The following MATN4 variants were observed in gnomAD, a reference collection of about 807,000 sequenced individuals.
MATN4 encodes matrilin-4.
Under a neutral mutation model 54.6 loss-of-function variants are expected in MATN4, and 40 were observed. The ratio of observed to expected loss-of-function variants is 0.73; its 90% CI spans 0.57 to 0.95. The LOEUF (loss-of-function observed/expected upper bound fraction) is 0.95, where lower values mean the gene tolerates loss of function less well. Ranked by LOEUF, MATN4 falls within the 40% of genes least tolerant of loss-of-function variation. MATN4 has a pLI of 0.00. For missense variants in MATN4, 810 were observed against 819.1 expected (o/e 0.99, Z 0.13); for synonymous variants, 351 against 345.3 (o/e 1.02, Z -0.18).
upstream of MATN4, chr20:45,308,352 G>A: frequency 1.3e-6 from 1 of 767,638 alleles, no homozygotes; most frequent in Non-Finnish European, 2.2e-6. Context: ...GGGTGGGGAG[G>A]GGAAGTGCAG....
intron 2 of MATN4, 140 bp from the exon 3 acceptor site, chr20:45,304,937 C>A: frequency 1.8e-6 from 1 of 568,940 alleles, no homozygotes; most frequent in South Asian, 2.4e-5. Flanking sequence ...CAGATGCACT[C>A]GCCCGGCATG....
At chr20:45,299,513 G>A (rs557698516) in intron 6 of MATN4, among the ~76,000 whole-genome samples, 45 of 152,102 alleles carry the variant, frequency 3.0e-4, no homozygotes, top group Non-Finnish European at 3.1e-4. Flanking sequence ...GATAGTCTCC[G>A]GAGGTGAGAT....
At position 45,304,436 on chromosome 20, in the gene MATN4, C is replaced by T. The variant is rs756153931; in HGVS notation, c.435G>A (p.Val145=). 11 of 1,545,702 alleles carry T rather than the reference C, an allele frequency of 7.1e-6. No homozygotes were observed. Among genetic ancestry groups the T allele is most frequent in the Admixed American group, 1.9e-5 (1 of 52,684 alleles). ...CGCGGTCCTGGGGCCGCCCGTCTGT[C>T]ACGATGACAGCGACACGCGGCACGC... ...EERVPRVAVI[V]TDGRPQDRVA... The change falls in exon 3 of 10, where the codon GTG becomes GTA. Residue 145 remains valine, a synonymous_variant. Coordinates refer to ENST00000372756, the MANE Select transcript of MATN4 (RefSeq NM_001393530.1).
intron 8 of MATN4, among the ~76,000 whole-genome samples, chr20:45,295,514 A>C (rs936342544): frequency 3.3e-5 from 5 of 152,116 alleles, no homozygotes; most frequent in Non-Finnish European, 7.4e-5. Flanking sequence ...CAGCCTCCCG[A>C]GTAGCTGGGA....
At chr20:45,295,041 G>T (rs553408035) in intron 8 of MATN4, among the ~76,000 whole-genome samples, 4 of 152,276 alleles carry the variant, frequency 2.6e-5, no homozygotes, top group African/African-American at 9.6e-5. Flanking sequence ...AAAACAAGCT[G>T]AGGGCTCCCA....
Position 45,293,786 on chromosome 20 carries a change from T to G in MATN4, c.1727A>C (p.Gln576Pro). The G allele has an allele frequency of 6.2e-7, 1 of 1,610,140 alleles. No individual in the cohort carries two copies. Among genetic ancestry groups the G allele is most frequent in the Non-Finnish European group, 8.5e-7 (1 of 1,179,824 alleles). ...TGGCCCTCACTTCTGGTTGGCCAGC[T>G]GGTTCTCCAGATCCTCCAGGCGCGC... ...LTARLEDLEN[Q>P]LANQK is the part of the protein sequence containing the mutation. Residue 576 changes from glutamine (Q) to proline (P), a missense_variant, in exon 10 of 10, where the codon CAG becomes CCG. By Grantham distance (76) the Gln-to-Pro change is moderately conservative. Coordinates refer to ENST00000372756, the MANE Select transcript of MATN4 (RefSeq NM_001393530.1).
intron 1 of MATN4, among the ~76,000 whole-genome samples, chr20:45,307,629 T>C (rs1986846101): frequency 6.6e-6 from 1 of 152,226 alleles, no homozygotes; most frequent in South Asian, 2.1e-4. Flanking sequence ...ATTCTTGGTC[T>C]GAGCCAACTT....
intron 1 of MATN4, 26 bp downstream of exon 1, chr20:45,308,149 C>CA (rs771808208): frequency 6.2e-6 from 10 of 1,612,584 alleles, no homozygotes; most frequent in Middle Eastern, 1.6e-4. Flanking sequence ...GCAGACCCCT[C>CA]AGTGCCTCCC....
Position 45,301,212 on chromosome 20 carries a change from C to T in MATN4, c.779G>A (p.Cys260Tyr), listed in dbSNP as rs1425689174. 1 of 1,613,904 alleles carries T rather than the reference C, an allele frequency of 6.2e-7. No individual in the cohort carries two copies. The highest frequency in any genetic ancestry group is 8.5e-7 in the Non-Finnish European group (1 of 1,179,984). ...DQRSCRAIDYCSFGNHSCQHE... is the reference protein window; with the variant it reads ...DQRSCRAIDYYSFGNHSCQHE... ...CTGACAGCTATGGTTCCCAAAGCTG[C>T]AGTAGTCAATGGCTGGCAGGAGGGA... is the stretch of plus-strand genomic sequence containing the variant. The change falls in exon 5 of 10, where the codon TGC becomes TAC. Residue 260 changes from cysteine (C) to tyrosine (Y), a missense_variant. Physicochemically the swap from Cys to Tyr is radical, Grantham distance 194. Coordinates refer to ENST00000372756, the MANE Select transcript of MATN4 (RefSeq NM_001393530.1).
chr20:45,298,080 CG>C lies in MATN4; in HGVS notation c.1427-11del. 1 of 1,610,758 alleles carries C rather than the reference CG, an allele frequency of 6.2e-7. No individual in the cohort carries two copies. Among genetic ancestry groups the C allele is most frequent in the Admixed American group, 1.7e-5 (1 of 59,950 alleles). ...GCGTACATGACGATGCCTGCAAGGC[CG>C]GGGTCTCAGAGGGTGCCCCAGGCCT... On this transcript the variant is annotated splice_polypyrimidine_tract_variant and intron_variant, in intron 7 of 9. Coordinates refer to ENST00000372756, the MANE Select transcript of MATN4 (RefSeq NM_001393530.1). The surrounding 1 kb of genome is among the most constrained non-coding windows in gnomAD (Gnocchi z 4.6).
intron 8 of MATN4, among the ~76,000 whole-genome samples, chr20:45,296,470 T>G: frequency 6.6e-6 from 1 of 152,168 alleles, no homozygotes; most frequent in East Asian, 1.9e-4. Flanking sequence ...TTTGTTTCTC[T>G]AAACAAAGGG....
chr20:45,305,482 C>G, intron 2 of MATN4, 28 bp downstream of exon 2: 1 of 1,539,084 alleles, frequency 6.5e-7, no homozygotes, highest in Non-Finnish European at 8.8e-7. Context: ...CCCCTCCTCC[C>G]ACTGGTGAGG....
At position 45,293,614 on chromosome 20, in the gene MATN4, C is replaced by T; in HGVS notation, c.*153G>A. ...CGCCTAATGGTCCGGGCGAGGCCAACTCAGCTCAATGCCGGAAGCCCGCCA... is the reference window on the plus strand; with the variant it reads ...CGCCTAATGGTCCGGGCGAGGCCAATTCAGCTCAATGCCGGAAGCCCGCCA... On this transcript the variant is annotated 3_prime_UTR_variant, in exon 10 of 10. Transcript: ENST00000372756. 1 of 674,340 alleles carries T rather than the reference C, an allele frequency of 1.5e-6. No individual in the cohort carries two copies. Among genetic ancestry groups the T allele is most frequent in the Non-Finnish European group, 2.4e-6 (1 of 422,002 alleles). 41.8% of individuals were successfully genotyped at this position (674,340 alleles called of 1,614,324 possible).
Position 45,300,988 on chromosome 20 carries a change from A to C in MATN4, c.911T>G (p.Val304Gly), listed in dbSNP as rs2145655335. 1 of 1,614,044 alleles carries C rather than the reference A, an allele frequency of 6.2e-7. No individual in the cohort carries two copies. The highest frequency in any genetic ancestry group is 8.5e-7 in the Non-Finnish European group (1 of 1,179,962). ...ACACTGGAACTCACAGCCATGGTCC[A>C]CGCCATTGCAAAGGTCCCGGACTGA... Reference protein sequence around the residue: ...SCQVRDLCNGVDHGCEFQCVS... With the variant: ...SCQVRDLCNGGDHGCEFQCVS... The change falls in exon 6 of 10, where the codon GTG (valine) becomes GGG (glycine). Residue 304 changes from valine to glycine, a missense_variant. By Grantham distance (109) the Val-to-Gly change is moderately radical. Coordinates refer to ENST00000372756, the MANE Select transcript of MATN4 (RefSeq NM_001393530.1).
In MATN4 at chr20:45,301,168, G is replaced by A; in HGVS notation, c.823C>T (p.Pro275Ser). The change falls in exon 5 of 10, where the codon CCT becomes TCT. Residue 275 changes from proline (P) to serine (S), a missense_variant. By Grantham distance (74) the Pro-to-Ser change is moderately conservative. Coordinates refer to ENST00000372756, the MANE Select transcript of MATN4 (RefSeq NM_001393530.1). ...HSCQHECVST[P>S]GGPRCHCREG... ...CTGCAGTGGCACCGTGGCCCACCAGGGGTGCTAACACACTCATGCTGACAG... is the reference window on the plus strand; with the variant it reads ...CTGCAGTGGCACCGTGGCCCACCAGAGGTGCTAACACACTCATGCTGACAG... The A allele has an allele frequency of 6.2e-7, 1 of 1,614,180 alleles. No individual in the cohort carries two copies. Among genetic ancestry groups the A allele is most frequent in the Non-Finnish European group, 8.5e-7 (1 of 1,180,030 alleles).
chr20:45,305,462 T>C, intron 2 of MATN4, 48 bp downstream of exon 2: 2 of 1,447,566 alleles, frequency 1.4e-6, no homozygotes, highest in Non-Finnish European at 1.9e-6. Context: ...AGGGAGGACC[T>C]GCTTCCGCTC....
Position 45,300,978 on chromosome 20 carries a change from G to A in MATN4, c.921C>T (p.Gly307=), listed in dbSNP as rs775860657. 12 of 1,614,016 alleles carry A rather than the reference G, an allele frequency of 7.4e-6. No individual in the cohort carries two copies. The highest frequency in any genetic ancestry group is 1.7e-5 in the Admixed American group (1 of 59,994). ...CCTCGCTCACACACTGGAACTCACAGCCATGGTCCACGCCATTGCAAAGGT... is the reference window on the plus strand; with the variant it reads ...CCTCGCTCACACACTGGAACTCACAACCATGGTCCACGCCATTGCAAAGGT... ...VRDLCNGVDH[G]CEFQCVSEGL... The change falls in exon 6 of 10, where the codon GGC becomes GGT. Residue 307 remains glycine, a synonymous_variant. Coordinates refer to ENST00000372756, the MANE Select transcript of MATN4 (RefSeq NM_001393530.1).
At chr20:45,296,510 T>C (rs115801035) in intron 8 of MATN4, among the ~76,000 whole-genome samples, 77 of 152,212 alleles carry the variant, frequency 5.1e-4, no homozygotes, top group African/African-American at 1.8e-3. Context: ...ATACCACCAA[T>C]TGATAAAGAG....
At chr20:45,308,412 G>T (rs926836747), upstream of MATN4, 18 of 599,756 alleles carry the variant, frequency 3.0e-5, no homozygotes, top group Non-Finnish European at 5.4e-5. Context: ...CCTCCTGAGG[G>T]GGGGCAAACC....
Sources: allele counts gnomAD v4.1 joint callset (sites outside exome capture counted in the v4.1 genomes callset), GRCh38; gene constraint gnomAD v4.1.1; non-coding constraint Gnocchi (gnomAD v3.1); transcripts MANE v1.5; gene names NCBI Gene and HGNC (gene_info 2026-07-23, HGNC 2026-07-21).